Variants in SGCD observed in about 807,000 individuals in gnomAD.
SGCD encodes delta-sarcoglycan.
SGCD carries 18 observed loss-of-function variants against 36.6 expected under a neutral mutation model. The observed-to-expected ratio is 0.49, with a 90% CI of 0.34 to 0.73. The LOEUF is 0.73. SGCD is among the 30% of genes least tolerant of loss of function. The pLI is 0.01. For missense variants in SGCD, 387 were observed against 346.7 expected, an observed-to-expected ratio of 1.12 and a Z score of -0.92; for synonymous variants, 133 against 130.6, an observed-to-expected ratio of 1.02 and a Z score of -0.12.
At chr5:155,956,971 G>T (rs951001286) in intron 1 of SGCD, among the ~76,000 whole-genome samples, 15 of 152,024 alleles carry the variant, frequency 9.9e-5, no homozygotes, top group African/African-American at 2.9e-4. Context: ...CTGCTTCTTG[G>T]TTCATTCAGA....
chr5:156,646,979 CTTTA>C (rs764441455), intron 6 of SGCD, among the ~76,000 whole-genome samples: 10 of 152,078 alleles, frequency 6.6e-5, no homozygotes, highest in African/African-American at 1.4e-4. Context: ...TAATGTAGAA[CTTTA>C]TTTACTGAAA....
chr5:156,484,446 C>T (rs533801348), intron 3 of SGCD, among the ~76,000 whole-genome samples: 2 of 152,274 alleles, frequency 1.3e-5, no homozygotes, highest in Non-Finnish European at 2.9e-5. Context: ...CCGGCATTTA[C>T]GAATGGGTCT....
intron 1 of SGCD, among the ~76,000 whole-genome samples, chr5:156,015,068 T>C (rs1221741530): frequency 6.6e-6 from 1 of 152,170 alleles, no homozygotes; most frequent in East Asian, 1.9e-4. Context: ...ACCCTGCAGC[T>C]AAGAAGCAGT....
intron 1 of SGCD, among the ~76,000 whole-genome samples, chr5:155,941,404 G>A (rs1293335333): frequency 6.6e-6 from 1 of 152,012 alleles, no homozygotes; most frequent in Non-Finnish European, 1.5e-5. Flanking sequence ...GGAAACTATG[G>A]ATAGTAATTT....
intron 4 of SGCD, among the ~76,000 whole-genome samples, chr5:156,542,645 GA>G (rs1275946792): frequency 1.3e-5 from 2 of 152,148 alleles, no homozygotes; most frequent in Non-Finnish European, 2.9e-5. Context: ...AAGAAAACAG[GA>G]AAGTGAACCT....
intron 4 of SGCD, 128 bp from the exon 5 acceptor site, chr5:156,589,103 T>C (rs1437253485): frequency 1.6e-6 from 1 of 633,058 alleles, no homozygotes; most frequent in African/African-American, 1.8e-5. Flanking sequence ...CATTTGGAGT[T>C]TTTGAGTAAA....
intron 7 of SGCD, among the ~76,000 whole-genome samples, chr5:156,667,018 AT>A (rs2113646094): frequency 6.6e-6 from 1 of 152,258 alleles, no homozygotes; most frequent in East Asian, 1.9e-4. Context: ...AAAATCCAAA[AT>A]CCAAAATGCT....
At chr5:155,968,974 G>A (rs115217719) in intron 1 of SGCD, among the ~76,000 whole-genome samples, 2,384 of 152,108 alleles carry the variant, frequency 0.016, 26 homozygotes, top group Middle Eastern at 0.037. Context: ...ACTATATTTT[G>A]TAGATCTATC....
At chr5:156,197,437 A>C (rs1430686115) in intron 3 of SGCD, among the ~76,000 whole-genome samples, 1 of 151,034 alleles carries the variant, frequency 6.6e-6, no homozygotes, top group African/African-American at 2.4e-5. Flanking sequence ...CCACATATTA[A>C]ATCTCCATTA....
intron 3 of SGCD, among the ~76,000 whole-genome samples, chr5:156,278,014 T>C (rs1250368336): frequency 6.6e-6 from 1 of 151,780 alleles, no homozygotes; most frequent in Non-Finnish European, 1.5e-5. Context: ...TAGGTTCATA[T>C]AAAAGAAAAA....
At chr5:156,534,811 A>G (rs894268808) in intron 4 of SGCD, among the ~76,000 whole-genome samples, 1 of 152,208 alleles carries the variant, frequency 6.6e-6, no homozygotes, top group Non-Finnish European at 1.5e-5. Context: ...AAAATTAAAC[A>G]TATACAGGGT....
the SGCD span, among the ~76,000 whole-genome samples, chr5:155,737,023 C>T: frequency 1.7e-3 from 257 of 152,312 alleles, 3 homozygotes; most frequent in African/African-American, 5.6e-3. Flanking sequence ...CTTTAGAGAA[C>T]GCACAGCAAG....
At chr5:156,663,708 C>A (rs1764028623) in intron 7 of SGCD, among the ~76,000 whole-genome samples, 1 of 147,464 alleles carries the variant, frequency 6.8e-6, no homozygotes, top group Non-Finnish European at 1.5e-5. Flanking sequence ...GGGCCATATA[C>A]CCCTGTAGGG....
At chr5:155,885,115 G>A (rs1009021246) in intron 1 of SGCD, among the ~76,000 whole-genome samples, 1 of 116,682 alleles carries the variant, frequency 8.6e-6, no homozygotes, top group South Asian at 2.5e-4. Flanking sequence ...TCCACTCTTC[G>A]TGCTAGAGAT....
At chr5:156,142,654 G>A (rs1311404350) in intron 3 of SGCD, among the ~76,000 whole-genome samples, 1 of 152,186 alleles carries the variant, frequency 6.6e-6, no homozygotes, top group Non-Finnish European at 1.5e-5. Context: ...TGGCTGCATT[G>A]TGCCCTTGTC....
upstream of SGCD, among the ~76,000 whole-genome samples, chr5:155,868,778 AAAAATG>A (rs1755573150): frequency 1.3e-5 from 2 of 152,202 alleles, no homozygotes; most frequent in South Asian, 4.1e-4. Context: ...TCAGGTGACA[AAAAATG>A]AATTTTCATG....
At chr5:156,590,945 A>G (rs1019873309) in intron 5 of SGCD, among the ~76,000 whole-genome samples, 1 of 150,332 alleles carries the variant, frequency 6.7e-6, no homozygotes, top group Non-Finnish European at 1.5e-5. Flanking sequence ...CTGTGTCACT[A>G]TTCTTGACTC....
chr5:156,510,647 A>G (rs1001772053), intron 4 of SGCD, among the ~76,000 whole-genome samples: 4 of 152,050 alleles, frequency 2.6e-5, no homozygotes, highest in African/African-American at 9.7e-5. Flanking sequence ...CTTGAATAGC[A>G]TTCTTAGTTT....
At chr5:156,713,418 GC>G (rs200657120) in intron 7 of SGCD, among the ~76,000 whole-genome samples, 8 of 144,454 alleles carry the variant, frequency 5.5e-5, no homozygotes, top group South Asian at 2.2e-4. Flanking sequence ...GTCGGGGGGG[GC>G]GTTATAGGAG....
Sources: gnomAD v4.1 joint callset for allele counts (sites outside exome capture counted in the v4.1 genomes callset) on GRCh38, gnomAD v4.1.1 for gene constraint, MANE v1.5 for transcripts, NCBI Gene and HGNC (gene_info 2026-07-23, HGNC 2026-07-21) for gene names.